The following PRKG1 variants were observed in gnomAD, a reference collection of about 807,000 sequenced individuals.
The protein encoded by PRKG1 is cGMP-dependent protein kinase 1.
In PRKG1, 35 loss-of-function variants were observed where a neutral mutation model predicts 88.1. That is an observed-to-expected ratio of 0.40 (90% CI 0.30 to 0.53). The LOEUF (loss-of-function observed/expected upper bound fraction) is 0.53. Ranked by LOEUF, PRKG1 falls within the 20% of genes least tolerant of loss-of-function variation. The pLI is 0.59. For missense variants in PRKG1, 540 were observed against 839.8 expected, an observed-to-expected ratio of 0.64 and a Z score of 4.41; for synonymous variants, 303 against 292.5, an observed-to-expected ratio of 1.04 and a Z score of -0.37.
intron 4 of PRKG1, among the ~76,000 whole-genome samples, chr10:51,891,456 A>G (rs1412953684): frequency 1.3e-5 from 2 of 152,174 alleles, no homozygotes; most frequent in Admixed American, 6.5e-5. Flanking sequence ...ATATGACCTG[A>G]GTTAAATATT....
chr10:51,278,003 G>A (rs142805835), intron 2 of PRKG1, among the ~76,000 whole-genome samples: 1 of 152,130 alleles, frequency 6.6e-6, no homozygotes, highest in Non-Finnish European at 1.5e-5. Flanking sequence ...GAATAGGAGT[G>A]GTGAGAGAGG....
At chr10:51,648,979 G>A (rs1010347400) in intron 3 of PRKG1, among the ~76,000 whole-genome samples, 9 of 152,074 alleles carry the variant, frequency 5.9e-5, no homozygotes, top group East Asian at 1.9e-4. Context: ...TGAGGCGGGC[G>A]GAACACGTAA....
intron 2 of PRKG1, among the ~76,000 whole-genome samples, chr10:51,457,239 C>T (rs1839609829): frequency 6.6e-6 from 1 of 152,166 alleles, no homozygotes; most frequent in African/African-American, 2.4e-5. Context: ...TGGGTTACTA[C>T]TCAGCTGTAA....
intron 4 of PRKG1, among the ~76,000 whole-genome samples, chr10:51,878,096 C>CA (rs1841343905): frequency 6.6e-6 from 1 of 152,064 alleles, no homozygotes; most frequent in Admixed American, 6.6e-5. Flanking sequence ...ATATTTTTAA[C>CA]ATGCTACCAA....
intron 3 of PRKG1, among the ~76,000 whole-genome samples, chr10:51,635,695 C>T (rs1307849866): frequency 6.6e-6 from 1 of 152,140 alleles, no homozygotes; most frequent in East Asian, 1.9e-4. Context: ...TGATTTCTGT[C>T]TTCCAAGAAA....
At chr10:51,040,260 G>GTT (rs1843402759) in intron 1 of PRKG1, among the ~76,000 whole-genome samples, 1 of 145,512 alleles carries the variant, frequency 6.9e-6, no homozygotes, top group African/African-American at 2.5e-5. Flanking sequence ...GTGTGTGTGT[G>GTT]TGTGTGTGTG....
At chr10:51,238,979 T>C (rs967497078) in intron 2 of PRKG1, among the ~76,000 whole-genome samples, 1 of 152,000 alleles carries the variant, frequency 6.6e-6, no homozygotes, top group Non-Finnish European at 1.5e-5. Context: ...AACAGGAATA[T>C]AGTAAGCTTA....
rs139829044 is a variant in PRKG1 at position 51,291,968 on chromosome 10, G to C, written c.478+138638G>C. ...CTGAGTCTAAAACCTAAAACACTTT[G>C]ATAATTTGTGGAAACTCTTCTTTTG... On this transcript the variant is annotated intron_variant, in intron 2 of 17. Coordinates refer to ENST00000373980, the MANE Select transcript of PRKG1 (RefSeq NM_006258.4). Among the ~76,000 whole-genome samples the C allele has an allele frequency of 1.3e-4, 20 of 152,236 alleles. No homozygotes were observed. In the East Asian group the frequency reaches 3.9e-3, roughly 29 times the overall value.
intron 3 of PRKG1, among the ~76,000 whole-genome samples, chr10:51,722,261 T>C (rs1038267379): frequency 1.3e-5 from 2 of 151,988 alleles, no homozygotes; most frequent in Non-Finnish European, 1.5e-5. Flanking sequence ...AGTTTTCAAT[T>C]ATGGCTGTTT....
At chr10:51,039,004 C>T (rs913983193) in intron 1 of PRKG1, among the ~76,000 whole-genome samples, 8 of 152,152 alleles carry the variant, frequency 5.3e-5, no homozygotes, top group Non-Finnish European at 8.8e-5. Context: ...TTGAACATTT[C>T]CCTGATGTCA....
At chr10:51,862,365 C>A (rs944017424) in intron 4 of PRKG1, among the ~76,000 whole-genome samples, 3 of 152,130 alleles carry the variant, frequency 2.0e-5, no homozygotes, top group African/African-American at 7.2e-5. Flanking sequence ...CAGCACTTTT[C>A]ACACCCACCA....
At chr10:51,086,942 T>A (rs1844268687) in intron 1 of PRKG1, among the ~76,000 whole-genome samples, 1 of 152,190 alleles carries the variant, frequency 6.6e-6, no homozygotes, top group Non-Finnish European at 1.5e-5. Context: ...ATACATTTAT[T>A]TTTCTTGGCA....
At chr10:52,134,528 T>G (rs1837352908) in intron 8 of PRKG1, among the ~76,000 whole-genome samples, 1 of 152,212 alleles carries the variant, frequency 6.6e-6, no homozygotes, top group Non-Finnish European at 1.5e-5. Context: ...GCTGCAAATG[T>G]CAGATTATTG....
intron 9 of PRKG1, among the ~76,000 whole-genome samples, chr10:52,243,073 C>T (rs539782873): frequency 6.6e-6 from 1 of 152,196 alleles, no homozygotes; most frequent in South Asian, 2.1e-4. Flanking sequence ...ACAAATGCTG[C>T]TCTGATATTT....
At chr10:52,101,091 G>T (rs1239824886) in intron 7 of PRKG1, among the ~76,000 whole-genome samples, 1 of 151,960 alleles carries the variant, frequency 6.6e-6, no homozygotes, top group Non-Finnish European at 1.5e-5. Flanking sequence ...TGTCTCCTTA[G>T]CTTACTTTTA....
chr10:52,012,917 T>C (rs1252550255), intron 5 of PRKG1, among the ~76,000 whole-genome samples: 1 of 152,196 alleles, frequency 6.6e-6, no homozygotes, highest in African/African-American at 2.4e-5. Context: ...ATTATACTAG[T>C]ATTATTACTT....
intron 2 of PRKG1, among the ~76,000 whole-genome samples, chr10:51,243,507 GTTC>G (rs898391227): frequency 1.3e-5 from 2 of 152,128 alleles, no homozygotes; most frequent in African/African-American, 4.8e-5. Flanking sequence ...AGTTCCCCAT[GTTC>G]TTCCTCCTCC....
intron 2 of PRKG1, among the ~76,000 whole-genome samples, chr10:51,451,963 G>A (rs920285790): frequency 6.6e-6 from 1 of 151,862 alleles, no homozygotes; most frequent in South Asian, 2.1e-4. Flanking sequence ...TTTCATAAAA[G>A]ATATTATTAT....
intron 3 of PRKG1, among the ~76,000 whole-genome samples, chr10:51,583,771 T>G (rs919697668): frequency 6.6e-6 from 1 of 152,118 alleles, no homozygotes; most frequent in African/African-American, 2.4e-5. Flanking sequence ...CAGATGCCCT[T>G]AAGGTTTGCA....
Sources: gnomAD v4.1 joint callset for allele counts (sites outside exome capture counted in the v4.1 genomes callset) on GRCh38, gnomAD v4.1.1 for gene constraint, MANE v1.5 for transcripts, NCBI Gene and HGNC (gene_info 2026-07-23, HGNC 2026-07-21) for gene names.